Variants in CAPZA1 observed in about 807,000 individuals in gnomAD.
CAPZA1 encodes F-actin-capping protein subunit alpha-1.
A neutral mutation model predicts 40.8 loss-of-function variants in CAPZA1; 10 were observed. That is an observed-to-expected ratio of 0.25 (90% CI 0.15 to 0.42). The LOEUF is 0.42. CAPZA1 is among the 10% of genes least tolerant of loss of function. CAPZA1 has a pLI of 1.00. For synonymous variants in CAPZA1, 98 were observed against 115.0 expected, an observed-to-expected ratio of 0.85 and a Z score of 0.95; for missense variants, 277 against 353.8, an observed-to-expected ratio of 0.78 and a Z score of 1.74.
At chr1:112,630,710 C>T (rs981695383) in intron 1 of CAPZA1, among the ~76,000 whole-genome samples, 2 of 152,062 alleles carry the variant, frequency 1.3e-5, no homozygotes, top group Admixed American at 6.6e-5. Flanking sequence ...TTGGCTCAAG[C>T]GGTCCTCCTG....
In CAPZA1 at chr1:112,654,449, A is replaced by G. The variant is rs774907692; in HGVS notation, c.220-16A>G. The stretch of plus-strand genomic sequence containing the variant: ...CTTTTTTACAGTTACTCATATGTTT[A>G]ATGATTCTTTGGAAGGTCTTAATTA... On this transcript the variant is annotated splice_polypyrimidine_tract_variant and intron_variant, in intron 4 of 9. Transcript: ENST00000263168. 4.5e-6 allele frequency: 7 copies of G among 1,564,902 alleles called. No individual in the cohort carries two copies. The highest frequency in any genetic ancestry group is 6.1e-6 in the Non-Finnish European group (7 of 1,141,108).
intron 3 of CAPZA1, 122 bp from the exon 4 acceptor site, chr1:112,653,476 G>A (rs1671437835): frequency 4.5e-6 from 3 of 666,808 alleles, no homozygotes; most frequent in East Asian, 2.9e-5. Flanking sequence ...AAAAGTACAG[G>A]GTACTATTTT....
intron 1 of CAPZA1, among the ~76,000 whole-genome samples, chr1:112,624,845 C>T (rs1310046098): frequency 6.6e-6 from 1 of 152,116 alleles, no homozygotes; most frequent in Non-Finnish European, 1.5e-5. Context: ...AATGAAAAAT[C>T]TCTACTTTAA....
chr1:112,625,875 ACT>A (rs1487134358), intron 1 of CAPZA1: 1 of 152,290 alleles, frequency 6.6e-6, no homozygotes, highest in Admixed American at 6.5e-5. Context: ...TCTTTTTGGC[ACT>A]GTCATTGTCC....
chr1:112,645,580 A>T (rs1671263299), intron 1 of CAPZA1, among the ~76,000 whole-genome samples: 1 of 152,120 alleles, frequency 6.6e-6, no homozygotes, highest in Non-Finnish European at 1.5e-5. Context: ...GTTACAGTGA[A>T]CTAGGATCAC....
intron 7 of CAPZA1, among the ~76,000 whole-genome samples, chr1:112,663,834 T>C (rs1671666869): frequency 6.6e-6 from 1 of 152,196 alleles, no homozygotes; most frequent in Admixed American, 6.5e-5. Flanking sequence ...TCTTTTCTTC[T>C]TTAACCTCTT....
intron 1 of CAPZA1, among the ~76,000 whole-genome samples, chr1:112,638,248 C>T (rs560728395): frequency 6.6e-6 from 1 of 152,200 alleles, no homozygotes; most frequent in African/African-American, 2.4e-5. Context: ...ATGAGTGTAG[C>T]TGTAAGTCTA....
In CAPZA1 at chr1:112,653,584, T is replaced by TA. The variant is rs766697260; in HGVS notation, c.156-14_156-13insA. The TA allele has an allele frequency of 2.5e-4, 380 of 1,529,678 alleles. No individual in the cohort carries two copies. The African/African-American group carries it at 4.0e-3, about 16-fold the overall frequency. The allele number at this position is 1,529,678 out of a possible 1,614,324, so 94.8% of individuals were successfully genotyped here. A position where few individuals can be genotyped will look rare whatever the true frequency, so the allele number is the denominator to read the frequency against. The stretch of plus-strand genomic sequence containing the variant: ...TTTTTTTTTTTTTTTTAAAAAACTT[T>TA]TAAAAAAAAACAGTGCATTTGCCCA... On this transcript the variant is annotated splice_polypyrimidine_tract_variant and intron_variant, in intron 3 of 9. Coordinates refer to ENST00000263168, the MANE Select transcript of CAPZA1 (RefSeq NM_006135.3).
Position 112,653,617 on chromosome 1 carries a change from A to G in CAPZA1, c.175A>G (p.Met59Val), listed in dbSNP as rs747252649. ...AAACAGTGCATTTGCCCAGTATAACATGGATCAGTTCACGCCTGTGAAGAT... is the reference window on the plus strand; with the variant it reads ...AAACAGTGCATTTGCCCAGTATAACGTGGATCAGTTCACGCCTGTGAAGAT... Reference protein sequence around the residue: ...GAAHAFAQYNMDQFTPVKIEG... With the variant: ...GAAHAFAQYNVDQFTPVKIEG... Residue 59 changes from methionine (M) to valine (V), a missense_variant, in exon 4 of 10, where the codon ATG (methionine) becomes GTG (valine). Physicochemically the swap from Met to Val is conservative, Grantham distance 21. Around this residue, in one of 2 missense-constraint regions of CAPZA1, gnomAD observed 85 missense variants for 76.5 expected, o/e 1.11. Transcript: ENST00000263168. The G allele has an allele frequency of 1.3e-6, 2 of 1,593,322 alleles. No homozygotes were observed. The highest frequency in any genetic ancestry group is 2.3e-5 in the South Asian group (2 of 87,426).
rs572796325 is a variant in CAPZA1 at position 112,647,122 on chromosome 1, T to C, written c.40-88T>C. On this transcript the variant is annotated intron_variant, in intron 1 of 9. Transcript: ENST00000263168. Reference sequence around the variant, plus strand: ...AACAGAACATTTTTTTCAAGGGATATGATGAAAATTTATAATTTGTTAATT... The same window carrying C: ...AACAGAACATTTTTTTCAAGGGATACGATGAAAATTTATAATTTGTTAATT... 2.5e-4 allele frequency: 154 copies of C among 606,690 alleles called. 1 individual carries two copies. The highest frequency in any genetic ancestry group is 2.5e-3 in the African/African-American group (130 of 52,908). The allele number at this position is 606,690 out of a possible 1,614,324, so 37.6% of individuals were successfully genotyped here.
chr1:112,665,583 A>G (rs577198405), intron 7 of CAPZA1, among the ~76,000 whole-genome samples: 1 of 152,170 alleles, frequency 6.6e-6, no homozygotes, highest in Non-Finnish European at 1.5e-5. Flanking sequence ...GAAGTCCAAG[A>G]TCAAGGTGCT....
chr1:112,653,574 T>TTTAAAAATTTTAAAAA, intron 3 of CAPZA1, 24 bp from the exon 4 acceptor site: 1 of 1,127,784 alleles, frequency 8.9e-7, no homozygotes, highest in Non-Finnish European at 1.2e-6. Context: ...TTTTTTTTTT[T>TTTAAAAATTTTAAAAA]AAAAAACTTT....
At chr1:112,640,639 A>T (rs1450159512) in intron 1 of CAPZA1, among the ~76,000 whole-genome samples, 1 of 151,174 alleles carries the variant, frequency 6.6e-6, no homozygotes, top group African/African-American at 2.4e-5. Context: ...CCCATCCGGG[A>T]CGTGAGGGGT....
intron 1 of CAPZA1, among the ~76,000 whole-genome samples, chr1:112,627,859 C>G (rs948035184): frequency 4.0e-5 from 6 of 151,202 alleles, no homozygotes; most frequent in African/African-American, 1.5e-4. Context: ...ACTCAGCAGG[C>G]TGAGGCAGGA....
At chr1:112,644,827 A>G (rs1405089025) in intron 1 of CAPZA1, among the ~76,000 whole-genome samples, 2 of 152,148 alleles carry the variant, frequency 1.3e-5, no homozygotes, top group African/African-American at 4.8e-5. Context: ...ATACTGCCAA[A>G]TATCTATATA....
At chr1:112,644,892 G>C (rs1671252777) in intron 1 of CAPZA1, among the ~76,000 whole-genome samples, 2 of 152,272 alleles carry the variant, frequency 1.3e-5, no homozygotes, top group African/African-American at 2.4e-5. Flanking sequence ...TCTTACATCA[G>C]TTTAAGAATC....
chr1:112,640,505 C>A (rs1314278885), intron 1 of CAPZA1, among the ~76,000 whole-genome samples: 1 of 138,644 alleles, frequency 7.2e-6, no homozygotes, highest in Non-Finnish European at 1.6e-5. Flanking sequence ...GTCAGCCCCC[C>A]GTCCGGGAGG....
At chr1:112,650,635 A>G (rs1005277586) in intron 3 of CAPZA1, among the ~76,000 whole-genome samples, 1 of 152,234 alleles carries the variant, frequency 6.6e-6, no homozygotes, top group African/African-American at 2.4e-5. Flanking sequence ...TCACAAGGCA[A>G]GTTCTTCAAT....
chr1:112,632,108 C>G (rs1670929972), intron 1 of CAPZA1, among the ~76,000 whole-genome samples: 1 of 152,188 alleles, frequency 6.6e-6, no homozygotes, highest in South Asian at 2.1e-4. Flanking sequence ...AGTTCAAGAC[C>G]AGCCTGGCCA....
Sources: gnomAD v4.1 joint callset for allele counts (sites outside exome capture counted in the v4.1 genomes callset) on GRCh38, gnomAD v4.1.1 for gene constraint, gnomAD v4.1.1 regional missense constraint, MANE v1.5 for transcripts, NCBI Gene and HGNC (gene_info 2026-07-23, HGNC 2026-07-21) for gene names.